USP6NL: variants seen among roughly 807,000 people sequenced by gnomAD.
USP6NL encodes the protein USP6 N-terminal like.
Under a neutral mutation model 61.9 loss-of-function variants are expected in USP6NL, and 26 were observed. The ratio of observed to expected loss-of-function variants is 0.42; its 90% CI spans 0.31 to 0.58. The LOEUF is 0.58. Among genes scored for constraint, USP6NL ranks in the 20% least tolerant of loss-of-function variants. The pLI, the probability that USP6NL is intolerant of heterozygous loss-of-function variation, is 0.16. For synonymous variants in USP6NL, 432 were observed against 390.1 expected (o/e 1.11, Z -1.27); for missense variants, 1,114 against 1,034.3 (o/e 1.08, Z -1.06).
At chr10:11,534,739 G>A (rs910425387) in intron 2 of USP6NL, among the ~76,000 whole-genome samples, 2 of 151,390 alleles carry the variant, frequency 1.3e-5, no homozygotes, top group African/African-American at 4.9e-5. Flanking sequence ...TCAACGTTAG[G>A]GATTATGTTT....
Position 11,460,827 on chromosome 10 carries a change from A to C in USP6NL, c.*1614T>G. 6.6e-6 allele frequency: 1 copy of C among 152,496 alleles called. No homozygotes were observed. 9.4% of individuals were successfully genotyped at this position (152,496 alleles called of 1,614,324 possible). ...TATATACATTTATTTCTCAGCTTCC[A>C]CCTGACCTGCATCAACAGCCCAGTT... is the stretch of plus-strand genomic sequence containing the variant. On this transcript the variant is annotated 3_prime_UTR_variant, in exon 15 of 15. Coordinates refer to ENST00000609104, the MANE Select transcript of USP6NL (RefSeq NM_014688.5).
intron 6 of USP6NL, among the ~76,000 whole-genome samples, chr10:11,507,098 T>C (rs1464488410): frequency 6.6e-6 from 1 of 152,212 alleles, no homozygotes; most frequent in Non-Finnish European, 1.5e-5. Flanking sequence ...AAATGGGAAC[T>C]GCATTAGCCA....
At chr10:11,545,133 T>C (rs909990028) in intron 2 of USP6NL, among the ~76,000 whole-genome samples, 1 of 152,146 alleles carries the variant, frequency 6.6e-6, no homozygotes, top group Non-Finnish European at 1.5e-5. Flanking sequence ...TTTTAAACAA[T>C]TGTAAATATA....
At position 11,490,695 on chromosome 10, in the gene USP6NL, A is replaced by G. The variant is rs1566130472; in HGVS notation, c.543+137T>C. ...TAGGGTTATCACAGGGTTTCAGCTT[A>G]AAAAGATCCACAGAGCTAAAGAGAC... On this transcript the variant is annotated intron_variant, in intron 9 of 14. Coordinates refer to ENST00000609104, the MANE Select transcript of USP6NL (RefSeq NM_014688.5). This position sits in a 1 kb window ranked among gnomAD's most constrained non-coding sequence, Gnocchi z 4.5. The G allele has an allele frequency of 1.2e-6, 1 of 859,464 alleles. No individual in the cohort carries two copies. Among genetic ancestry groups the G allele is most frequent in the Non-Finnish European group, 1.8e-6 (1 of 558,014 alleles). 53.2% of individuals were successfully genotyped at this position (859,464 alleles called of 1,614,324 possible). A position where few individuals can be genotyped will look rare whatever the true frequency, so the allele number is the denominator to read the frequency against.
In USP6NL at chr10:11,597,524, A is replaced by G. The variant is rs1444260313; in HGVS notation, c.4+107T>C. 2 of 1,196,604 alleles carry G rather than the reference A, an allele frequency of 1.7e-6. No individual in the cohort carries two copies. The highest frequency in any genetic ancestry group is 1.9e-4 in the Middle Eastern group (1 of 5,358). 74.1% of individuals were successfully genotyped at this position (1,196,604 alleles called of 1,614,324 possible). A position where few individuals can be genotyped will look rare whatever the true frequency, so the allele number is the denominator to read the frequency against. ...GGGTGGAACCACATTCAAACTCTGA[A>G]TAAGTGACATAATTCCAATTTATTC... On this transcript the variant is annotated intron_variant, in intron 2 of 14. Coordinates refer to ENST00000609104, the MANE Select transcript of USP6NL (RefSeq NM_014688.5). This position sits in a 1 kb window ranked among gnomAD's most constrained non-coding sequence, Gnocchi z 4.6.
At chr10:11,503,207 T>G (rs1834285633) in intron 6 of USP6NL, among the ~76,000 whole-genome samples, 1 of 152,194 alleles carries the variant, frequency 6.6e-6, no homozygotes, top group African/African-American at 2.4e-5. Flanking sequence ...AAAATTTTAA[T>G]AGGAACGTGT....
intron 13 of USP6NL, among the ~76,000 whole-genome samples, chr10:11,484,690 T>A (rs182689303): frequency 1.5e-3 from 232 of 152,286 alleles, no homozygotes; most frequent in Middle Eastern, 3.4e-3. Context: ...ACGAAAAATA[T>A]TACTAGTGAA....
chr10:11,536,094 T>G (rs899629002), intron 2 of USP6NL, among the ~76,000 whole-genome samples: 1 of 152,230 alleles, frequency 6.6e-6, no homozygotes, highest in Admixed American at 6.5e-5. Context: ...CCACTTATTT[T>G]GACTGGTCAC....
intron 2 of USP6NL, among the ~76,000 whole-genome samples, chr10:11,535,929 T>C (rs908233574): frequency 3.3e-5 from 5 of 152,156 alleles, no homozygotes; most frequent in South Asian, 2.1e-4. Context: ...ATAAACACCA[T>C]TGATAAAAAT....
At chr10:11,544,925 G>C (rs933804375) in intron 2 of USP6NL, among the ~76,000 whole-genome samples, 1 of 152,084 alleles carries the variant, frequency 6.6e-6, no homozygotes, top group South Asian at 2.1e-4. Context: ...ATTTGGATTC[G>C]TCCCCAAGAT....
intron 2 of USP6NL, among the ~76,000 whole-genome samples, chr10:11,584,125 G>C (rs566380527): frequency 2.0e-5 from 3 of 152,120 alleles, no homozygotes; most frequent in East Asian, 3.9e-4. Context: ...TGAGGTGGGA[G>C]AATCATCACT....
At position 11,602,619 on chromosome 10, in the gene USP6NL, A is replaced by ACT. The variant is rs1454602986; in HGVS notation, c.-83-4904_-83-4903dup. On this transcript the variant is annotated intron_variant, in intron 1 of 14. Transcript: ENST00000609104. This position sits in a 1 kb window ranked among gnomAD's most constrained non-coding sequence, Gnocchi z 4.8. ...TTAGTTCAAATATATGTCAGGGCAG[A>ACT]CTCCCAGGTGCTGGTTGAGTATGCC... 6.6e-6 allele frequency among the ~76,000 whole-genome samples: 1 copy of ACT among 152,036 alleles called. No homozygotes were observed. The highest frequency in any genetic ancestry group is 1.5e-5 in the Non-Finnish European group (1 of 68,008).
At chr10:11,497,305 G>C (rs1240352882) in intron 7 of USP6NL, among the ~76,000 whole-genome samples, 1 of 151,136 alleles carries the variant, frequency 6.6e-6, no homozygotes, top group Non-Finnish European at 1.5e-5. Context: ...CAGCTACTCA[G>C]GAGGCTGAGG....
At chr10:11,543,056 T>C (rs1402518141) in intron 2 of USP6NL, among the ~76,000 whole-genome samples, 2 of 152,182 alleles carry the variant, frequency 1.3e-5, no homozygotes, top group African/African-American at 4.8e-5. Context: ...AAAATTTAAT[T>C]AATATTTTGA....
Position 11,611,323 on chromosome 10 carries a change from G to A in USP6NL, c.-84+120C>T, listed in dbSNP as rs1435068688. 6 of 151,944 alleles carry A rather than the reference G, an allele frequency of 3.9e-5. No homozygotes were observed. The highest frequency in any genetic ancestry group is 8.8e-5 in the Non-Finnish European group (6 of 67,990). 9.4% of individuals were successfully genotyped at this position (151,944 alleles called of 1,614,324 possible). The stretch of plus-strand genomic sequence containing the variant: ...ACCGCAGCCGCGTCCCCTCCTCCAG[G>A]GGCCGGGAATGGCGGCGTCCGGCTC... On this transcript the variant is annotated intron_variant, in intron 1 of 14. Coordinates refer to ENST00000609104, the MANE Select transcript of USP6NL (RefSeq NM_014688.5). This position sits in a 1 kb window ranked among gnomAD's most constrained non-coding sequence, Gnocchi z 5.3.
rs1832712453 is a variant in USP6NL at position 11,470,886 on chromosome 10, A to G, written c.1079-7037T>C. On this transcript the variant is annotated intron_variant, in intron 14 of 14. Transcript: ENST00000609104. This position sits in a 1 kb window ranked among gnomAD's most constrained non-coding sequence, Gnocchi z 5.4. ...ATTTTATTTTCCCTTTCCTCTCCCT[A>G]AAAACACAGGAATTGGAGGCCTGGC... Among the ~76,000 whole-genome samples the G allele has an allele frequency of 6.6e-6, 1 of 152,154 alleles. No individual in the cohort carries two copies. The highest frequency in any genetic ancestry group is 1.5e-5 in the Non-Finnish European group (1 of 68,024).
chr10:11,489,286 G>A lies in USP6NL; in HGVS notation c.544-64C>T. 6.4e-7 allele frequency: 1 copy of A among 1,553,682 alleles called. No individual in the cohort carries two copies. Among genetic ancestry groups the A allele is most frequent in the Non-Finnish European group, 8.7e-7 (1 of 1,146,204 alleles). On this transcript the variant is annotated intron_variant, in intron 9 of 14. Coordinates refer to ENST00000609104, the MANE Select transcript of USP6NL (RefSeq NM_014688.5). The surrounding 1 kb of genome is among the most constrained non-coding windows in gnomAD (Gnocchi z 5.7). ...GTCGAATTACATGCATATGTACAGAGAAAAAGCTACTCTATAAAAACCAGA... is the reference window on the plus strand; with the variant it reads ...GTCGAATTACATGCATATGTACAGAAAAAAAGCTACTCTATAAAAACCAGA...
intron 2 of USP6NL, among the ~76,000 whole-genome samples, chr10:11,572,081 C>G (rs1341009563): frequency 1.3e-5 from 2 of 151,490 alleles, no homozygotes; most frequent in East Asian, 1.9e-4. Flanking sequence ...TTAAAAGGCA[C>G]AAAAATTATT....
rs544930750 is a variant in USP6NL, at chr10:11,532,631, T to C, written c.5-5064A>G. Among the ~76,000 whole-genome samples, 1 of 152,330 alleles carries C rather than the reference T, an allele frequency of 6.6e-6. No homozygotes were observed. The highest frequency in any genetic ancestry group is 6.5e-5 in the Admixed American group (1 of 15,296). ...ATCTTGTGTCTCGATATTAGCCACT[T>C]TCTTATTTCTTATTAAAAATAAAAC... On this transcript the variant is annotated intron_variant, in intron 2 of 14. Transcript: ENST00000609104. The surrounding 1 kb of genome is among the most constrained non-coding windows in gnomAD (Gnocchi z 4.1).
Sources: allele counts gnomAD v4.1 joint callset (sites outside exome capture counted in the v4.1 genomes callset), GRCh38; gene constraint gnomAD v4.1.1; non-coding constraint Gnocchi (gnomAD v3.1); transcripts MANE v1.5; gene names NCBI Gene and HGNC (gene_info 2026-07-23, HGNC 2026-07-21).